AKT3: variants seen among roughly 807,000 people sequenced by gnomAD.
AKT3 encodes AKT serine/threonine kinase 3.
In AKT3, 15 loss-of-function variants were observed where a neutral mutation model predicts 65.3. The ratio of observed to expected loss-of-function variants is 0.23; its 90% CI spans 0.15 to 0.35. AKT3 has a LOEUF of 0.35. AKT3 is among the 10% of genes least tolerant of loss of function. AKT3 has a pLI of 1.00. For synonymous variants in AKT3, 206 were observed against 183.8 expected, an observed-to-expected ratio of 1.12 and a Z score of -0.98; for missense variants, 243 against 576.5, an observed-to-expected ratio of 0.42 and a Z score of 5.92.
At chr1:243,516,959 TTTTAGTACTATAAATTGTA>T (rs2148375897) in intron 12 of AKT3, among the ~76,000 whole-genome samples, 1 of 152,350 alleles carries the variant, frequency 6.6e-6, no homozygotes, top group South Asian at 2.1e-4. Flanking sequence ...TAAAAATATC[TTTTAGTACTATAAATTGTA>T]TTTAGTACTA....
chr1:243,588,129 G>T (rs1675935313), intron 8 of AKT3, among the ~76,000 whole-genome samples: 1 of 152,202 alleles, frequency 6.6e-6, no homozygotes, highest in Non-Finnish European at 1.5e-5. Flanking sequence ...ATAAACATCA[G>T]ATTTTGAGGA....
intron 2 of AKT3, among the ~76,000 whole-genome samples, chr1:243,699,578 T>C (rs1472847741): frequency 6.7e-6 from 1 of 148,954 alleles, no homozygotes. Flanking sequence ...TATGTTGAAG[T>C]ATGCTGTTAT....
intron 2 of AKT3, among the ~76,000 whole-genome samples, chr1:243,724,264 C>G (rs1441586022): frequency 6.6e-6 from 1 of 151,028 alleles, no homozygotes; most frequent in Middle Eastern, 3.2e-3. Context: ...AAAAAAGAAT[C>G]CAGAAAAAGG....
chr1:243,658,717 C>T (rs1252904881), intron 4 of AKT3, among the ~76,000 whole-genome samples: 2 of 152,106 alleles, frequency 1.3e-5, no homozygotes, highest in Admixed American at 6.5e-5. Flanking sequence ...TGGAAACAAT[C>T]TAAATATCCA....
At chr1:243,796,902 T>TA (rs1344958834) in intron 2 of AKT3, among the ~76,000 whole-genome samples, 19 of 152,232 alleles carry the variant, frequency 1.2e-4, no homozygotes, top group African/African-American at 4.3e-4. Context: ...ACGATCCACT[T>TA]ACATGAGGCA....
intron 2 of AKT3, among the ~76,000 whole-genome samples, chr1:243,761,091 C>T (rs1689464402): frequency 6.6e-6 from 1 of 152,078 alleles, no homozygotes; most frequent in African/African-American, 2.4e-5. Flanking sequence ...ACCAGCACAG[C>T]CAGTATTTAT....
chr1:243,843,607 G>A lies in AKT3; in HGVS notation c.-112-325C>T, dbSNP rs181308821. 636 of 980,690 alleles carry A rather than the reference G, an allele frequency of 6.5e-4. 9 individuals are homozygous for A. In the African/African-American group the frequency reaches 0.01, roughly 16 times the overall value. 60.7% of individuals were successfully genotyped at this position (980,690 alleles called of 1,614,324 possible). ...GAGGTGAAGAGGGAAGAGAATGAAA[G>A]TTAATTGCCCTAAATCCCTGTAATT... is the stretch of plus-strand genomic sequence containing the variant. On this transcript the variant is annotated intron_variant, in intron 1 of 13. Transcript: ENST00000673466.
intron 2 of AKT3, among the ~76,000 whole-genome samples, chr1:243,836,750 A>T (rs1421883692): frequency 6.6e-6 from 1 of 152,032 alleles, no homozygotes; most frequent in East Asian, 1.9e-4. Context: ...GTCTCTACTA[A>T]AAGTAGAAAA....
At chr1:243,800,382 T>C (rs901068566) in intron 2 of AKT3, among the ~76,000 whole-genome samples, 4 of 152,200 alleles carry the variant, frequency 2.6e-5, no homozygotes, top group African/African-American at 7.2e-5. Context: ...GTGTTAGCTA[T>C]AAGAGGGCCA....
intron 2 of AKT3, among the ~76,000 whole-genome samples, chr1:243,704,589 T>C (rs1685675253): frequency 1.3e-5 from 2 of 152,162 alleles, no homozygotes; most frequent in Admixed American, 1.3e-4. Flanking sequence ...ATGATATTTG[T>C]TGGTTTGACG....
intron 2 of AKT3, among the ~76,000 whole-genome samples, chr1:243,826,788 T>C (rs939175646): frequency 6.6e-6 from 1 of 152,216 alleles, no homozygotes; most frequent in African/African-American, 2.4e-5. Context: ...TTTTCTGTTA[T>C]TTTCAGCAGA....
chr1:243,698,019 A>G (rs1685170467), intron 2 of AKT3, among the ~76,000 whole-genome samples: 1 of 152,114 alleles, frequency 6.6e-6, no homozygotes, highest in South Asian at 2.1e-4. Flanking sequence ...TACTGAAAAA[A>G]GACGGCCCTA....
At chr1:243,813,568 A>C (rs1469635943) in intron 2 of AKT3, among the ~76,000 whole-genome samples, 1 of 152,132 alleles carries the variant, frequency 6.6e-6, no homozygotes, top group Non-Finnish European at 1.5e-5. Flanking sequence ...TTAGATTTTT[A>C]TTTTCTAGAA....
intron 4 of AKT3, among the ~76,000 whole-genome samples, chr1:243,653,293 C>T (rs1398340081): frequency 6.6e-6 from 1 of 152,072 alleles, no homozygotes; most frequent in Admixed American, 6.6e-5. Flanking sequence ...AAGACTAAAC[C>T]AAGGAGAAGT....
downstream of AKT3, among the ~76,000 whole-genome samples, chr1:243,498,438 G>A (rs545237379): frequency 3.3e-5 from 5 of 152,268 alleles, no homozygotes; most frequent in East Asian, 9.7e-4. Flanking sequence ...GTGTGCATGG[G>A]ATGGCAGGTT....
intron 2 of AKT3, among the ~76,000 whole-genome samples, chr1:243,752,175 A>G (rs1026416772): frequency 6.6e-5 from 10 of 152,220 alleles, no homozygotes; most frequent in Middle Eastern, 3.2e-3. Context: ...ATTTTTAACT[A>G]AGAAAAAAAT....
intron 2 of AKT3, among the ~76,000 whole-genome samples, chr1:243,703,593 T>A (rs1685601725): frequency 6.6e-6 from 1 of 151,772 alleles, no homozygotes; most frequent in Non-Finnish European, 1.5e-5. Flanking sequence ...AGACCGTCTC[T>A]ACTAAAAATA....
At chr1:243,850,888 G>C (rs886380196), upstream of AKT3, among the ~76,000 whole-genome samples, 1 of 152,062 alleles carries the variant, frequency 6.6e-6, no homozygotes, top group East Asian at 1.9e-4. Flanking sequence ...GGCCCTTGGC[G>C]GGCACCCGAG....
At chr1:243,497,428 C>T (rs768814010), downstream of AKT3, among the ~76,000 whole-genome samples, 1 of 150,938 alleles carries the variant, frequency 6.6e-6, no homozygotes, top group Non-Finnish European at 1.5e-5. Flanking sequence ...GCAGGAAATA[C>T]AAAGCCCATA....
Sources: allele counts gnomAD v4.1 joint callset (sites outside exome capture counted in the v4.1 genomes callset), GRCh38; gene constraint gnomAD v4.1.1; transcripts MANE v1.5; gene names NCBI Gene and HGNC (gene_info 2026-07-23, HGNC 2026-07-21).